STAM2: variants seen among roughly 807,000 people sequenced by gnomAD.
STAM2 encodes the protein signal transducing adapter molecule 2.
A neutral mutation model predicts 65.6 loss-of-function variants in STAM2; 51 were observed. The ratio of observed to expected loss-of-function variants is 0.78; its 90% CI spans 0.62 to 0.98. The LOEUF (loss-of-function observed/expected upper bound fraction) is 0.98, where lower values mean the gene tolerates loss of function less well. STAM2 is among the 50% of genes least tolerant of loss of function. The pLI is 0.00. For synonymous variants in STAM2, 198 were observed against 208.4 expected (o/e 0.95, Z 0.43); for missense variants, 584 against 617.8 (o/e 0.95, Z 0.58).
At chr2:152,133,298 G>GTTTTAAT (rs1689096417) in intron 9 of STAM2, 38 bp from the exon 10 acceptor site, 1 of 1,560,566 alleles carries the variant, frequency 6.4e-7, no homozygotes, top group Non-Finnish European at 8.8e-7. Context: ...AAACTCAAGA[G>GTTTTAAT]TTTTAACTTC....
chr2:152,121,259 C>T (rs910283292), intron 13 of STAM2, among the ~76,000 whole-genome samples: 2 of 152,180 alleles, frequency 1.3e-5, no homozygotes, highest in African/African-American at 4.8e-5. Context: ...CAGGCATGAG[C>T]CACCATGCCG....
intron 1 of STAM2, among the ~76,000 whole-genome samples, chr2:152,166,028 C>T (rs1689777722): frequency 6.6e-6 from 1 of 152,110 alleles, no homozygotes; most frequent in African/African-American, 2.4e-5. Flanking sequence ...CACAGCGAAA[C>T]TCTGTCTCTA....
rs555675321 is a variant in STAM2, at chr2:152,142,432, TG to T, written c.704+1394del. Among the ~76,000 whole-genome samples the T allele has an allele frequency of 3.9e-5, 6 of 152,214 alleles. No individual in the cohort carries two copies. In the South Asian group the frequency reaches 8.3e-4, roughly 21 times the overall value. On this transcript the variant is annotated intron_variant, in intron 7 of 13. Coordinates refer to ENST00000263904, the MANE Select transcript of STAM2 (RefSeq NM_005843.6). ...TCAAAACGGTAAACCTAAGTTCTTT[TG>T]TAAGTACTCTAACTAAAAGACACTC...
At chr2:152,144,158 C>A (rs1316336750) in intron 6 of STAM2, 145 bp from the exon 7 acceptor site, 20 of 572,398 alleles carry the variant, frequency 3.5e-5, no homozygotes, top group Non-Finnish European at 3.9e-5. Context: ...GAGGGTGGGG[C>A]AGGGCAGGGA....
chr2:152,127,075 G>T (rs1176134495), intron 11 of STAM2, among the ~76,000 whole-genome samples: 1 of 152,196 alleles, frequency 6.6e-6, no homozygotes, highest in East Asian at 1.9e-4. Context: ...CTTCTAGGGG[G>T]TACTTGGACC....
intron 1 of STAM2, among the ~76,000 whole-genome samples, chr2:152,159,519 T>C (rs1689619460): frequency 6.6e-6 from 1 of 152,158 alleles, no homozygotes; most frequent in African/African-American, 2.4e-5. Flanking sequence ...AGTCTATGAA[T>C]AAATTGTATA....
At chr2:152,154,973 T>C (rs913447500) in intron 1 of STAM2, among the ~76,000 whole-genome samples, 1 of 152,212 alleles carries the variant, frequency 6.6e-6, no homozygotes, top group Non-Finnish European at 1.5e-5. Context: ...GTGACTCACA[T>C]AGACTAAATA....
In STAM2 at chr2:152,120,300, G is replaced by C; in HGVS notation, c.*274C>G. 1 of 430,322 alleles carries C rather than the reference G, an allele frequency of 2.3e-6. No individual in the cohort carries two copies. Among genetic ancestry groups the C allele is most frequent in the Non-Finnish European group, 4.2e-6 (1 of 239,622 alleles). 26.7% of individuals were successfully genotyped at this position (430,322 alleles called of 1,614,324 possible). ...CATAAGGCTACTTAATGAGTATCTAGATTTATGTAGAGAAATCTGAAAGTA... is the reference window on the plus strand; with the variant it reads ...CATAAGGCTACTTAATGAGTATCTACATTTATGTAGAGAAATCTGAAAGTA... On this transcript the variant is annotated 3_prime_UTR_variant, in exon 14 of 14. Coordinates refer to ENST00000263904, the MANE Select transcript of STAM2 (RefSeq NM_005843.6).
chr2:152,139,028 C>T (rs909217600), intron 7 of STAM2, among the ~76,000 whole-genome samples: 8 of 152,140 alleles, frequency 5.3e-5, no homozygotes, highest in African/African-American at 1.9e-4. Context: ...ACCAAATTGA[C>T]AACTCCTTCC....
Position 152,143,840 on chromosome 2 carries a change from C to T in STAM2, c.691G>A (p.Val231Ile). ...TTTAAAACTTACCTGTCATCCAAAA[C>T]AATAATTATTTCACCATGTTTAAAG... The part of the protein sequence containing the change: ...LTFKHGEIII[V>I]LDDSDANWWK... Residue 231 changes from valine (V) to isoleucine (I), a missense_variant, in exon 7 of 14, where the codon GTT becomes ATT. Transcript: ENST00000263904. The T allele has an allele frequency of 6.2e-7, 1 of 1,608,756 alleles. No individual in the cohort carries two copies. Among genetic ancestry groups the T allele is most frequent in the Non-Finnish European group, 8.5e-7 (1 of 1,177,776 alleles).
chr2:152,130,692 T>TAA (rs986121047), intron 11 of STAM2, among the ~76,000 whole-genome samples: 3 of 141,146 alleles, frequency 2.1e-5, no homozygotes, highest in Non-Finnish European at 3.1e-5. Flanking sequence ...ACCCTGTCTT[T>TAA]AAAAAAAAAA....
At chr2:152,123,985 CTAA>C (rs1476824505) in intron 12 of STAM2, 50 bp from the exon 13 acceptor site, 1 of 1,442,874 alleles carries the variant, frequency 6.9e-7, no homozygotes, top group South Asian at 1.2e-5. Flanking sequence ...AAACATGTGC[CTAA>C]TAATATATTT....
chr2:152,127,534 C>A (rs1688982264), intron 11 of STAM2, among the ~76,000 whole-genome samples: 1 of 150,982 alleles, frequency 6.6e-6, no homozygotes, highest in African/African-American at 2.4e-5. Context: ...AATTTAAAAA[C>A]ACTTGTTAAA....
At chr2:152,126,520 G>T in intron 11 of STAM2, 141 bp from the exon 12 acceptor site, 1 of 489,224 alleles carries the variant, frequency 2.0e-6, no homozygotes. Flanking sequence ...TATTCACAAA[G>T]GGAAACTAAG....
chr2:152,172,862 CAAAAA>C, intron 1 of STAM2, among the ~76,000 whole-genome samples: 2 of 62,462 alleles, frequency 3.2e-5, no homozygotes, highest in African/African-American at 1.2e-4. Flanking sequence ...AGATTCGTCT[CAAAAA>C]AAAAAAAAAA....
chr2:152,139,692 A>G (rs1323669249), intron 7 of STAM2, among the ~76,000 whole-genome samples: 3 of 152,218 alleles, frequency 2.0e-5, no homozygotes, highest in African/African-American at 7.2e-5. Flanking sequence ...CAAGGAAGTC[A>G]TGAGCCTCTT....
intron 11 of STAM2, 27 bp downstream of exon 11, chr2:152,132,087 T>C: frequency 6.4e-7 from 1 of 1,550,644 alleles, no homozygotes. Flanking sequence ...AAAACTATAC[T>C]TTTTATTCCT....
chr2:152,160,221 G>C (rs1160682735), intron 1 of STAM2, among the ~76,000 whole-genome samples: 1 of 148,380 alleles, frequency 6.7e-6, no homozygotes, highest in Non-Finnish European at 1.5e-5. Context: ...CCCTCCGCCT[G>C]GCTGCCCAGT....
chr2:152,146,042 G>A (rs532119247), intron 5 of STAM2, among the ~76,000 whole-genome samples: 3 of 152,148 alleles, frequency 2.0e-5, no homozygotes, highest in Non-Finnish European at 2.9e-5. Context: ...GGTCGAGGCA[G>A]GTGGATCACC....
Sources: gnomAD v4.1 joint callset for allele counts (sites outside exome capture counted in the v4.1 genomes callset) on GRCh38, gnomAD v4.1.1 for gene constraint, MANE v1.5 for transcripts, NCBI Gene and HGNC (gene_info 2026-07-23, HGNC 2026-07-21) for gene names.